Variants in CCSER1 observed in about 807,000 individuals in gnomAD.
CCSER1 encodes the protein serine-rich coiled-coil domain-containing protein 1.
Under a neutral mutation model 82.0 loss-of-function variants are expected in CCSER1, and 41 were observed. The ratio of observed to expected loss-of-function variants is 0.50; its 90% CI spans 0.39 to 0.65. CCSER1 has a LOEUF of 0.65. Ranked by LOEUF, CCSER1 falls within the 30% of genes least tolerant of loss-of-function variation. The pLI is 0.00. For missense variants in CCSER1, 1,119 were observed against 1,064.2 expected (o/e 1.05, Z -0.72); for synonymous variants, 414 against 383.9 (o/e 1.08, Z -0.92).
chr4:91,111,326 C>G (rs1219879626), intron 10 of CCSER1, among the ~76,000 whole-genome samples: 2 of 151,894 alleles, frequency 1.3e-5, no homozygotes, highest in Non-Finnish European at 2.9e-5. Flanking sequence ...AGAAGATTAA[C>G]TGATTGCCTG....
intron 4 of CCSER1, among the ~76,000 whole-genome samples, chr4:90,429,839 G>T (rs1758030626): frequency 6.6e-6 from 1 of 151,720 alleles, no homozygotes. Flanking sequence ...TTGTATATTC[G>T]TTTTCCATTT....
intron 10 of CCSER1, among the ~76,000 whole-genome samples, chr4:91,513,021 G>C (rs1355940192): frequency 1.3e-5 from 2 of 152,056 alleles, no homozygotes; most frequent in Non-Finnish European, 2.9e-5. Flanking sequence ...AGTGGTGAGA[G>C]TGGGCATCCT....
At chr4:90,736,922 T>TA (rs1491338362) in intron 7 of CCSER1, among the ~76,000 whole-genome samples, 2 of 152,054 alleles carry the variant, frequency 1.3e-5, no homozygotes, top group Non-Finnish European at 2.9e-5. Context: ...CCCATTTTTT[T>TA]AAAAAATAGG....
At chr4:91,166,064 A>G (rs1222707774) in intron 10 of CCSER1, among the ~76,000 whole-genome samples, 1 of 152,218 alleles carries the variant, frequency 6.6e-6, no homozygotes, top group Admixed American at 6.5e-5. Context: ...CCATCTTGAA[A>G]TGGAATGCAA....
intron 5 of CCSER1, among the ~76,000 whole-genome samples, chr4:90,539,466 G>A (rs1775832500): frequency 6.6e-6 from 1 of 152,010 alleles, no homozygotes; most frequent in South Asian, 2.1e-4. Flanking sequence ...CCTGTTGTAA[G>A]CTCTCATAAG....
chr4:91,080,266 C>G lies in CCSER1; in HGVS notation c.2173-5684C>G, dbSNP rs558814816. On this transcript the variant is annotated intron_variant, in intron 9 of 10. Coordinates refer to ENST00000509176, the MANE Select transcript of CCSER1 (RefSeq NM_001145065.2). ...CTAGAACTCAGGATTAAGAAACTCA[C>G]TCAAAACCACTCAACTACATGGAAA... Among the ~76,000 whole-genome samples, 51 of 152,294 alleles carry G rather than the reference C, an allele frequency of 3.3e-4. 2 individuals carry two copies. In the South Asian group the frequency reaches 0.01, roughly 30 times the overall value.
chr4:90,905,484 G>A (rs1475291206), intron 8 of CCSER1, among the ~76,000 whole-genome samples: 3 of 151,722 alleles, frequency 2.0e-5, no homozygotes, highest in Non-Finnish European at 4.4e-5. Flanking sequence ...TTACTGCCTG[G>A]CTGTGTCCTT....
At chr4:91,063,463 A>T (rs1020891427) in intron 9 of CCSER1, among the ~76,000 whole-genome samples, 1 of 152,176 alleles carries the variant, frequency 6.6e-6, no homozygotes, top group Admixed American at 6.6e-5. Context: ...AGATTCTTGC[A>T]TGGTAATAAT....
At chr4:91,025,581 A>G (rs992812897) in intron 9 of CCSER1, among the ~76,000 whole-genome samples, 2 of 152,092 alleles carry the variant, frequency 1.3e-5, no homozygotes, top group African/African-American at 4.8e-5. Context: ...TGTGGATACT[A>G]CCTGAAGTCA....
intron 10 of CCSER1, among the ~76,000 whole-genome samples, chr4:91,543,797 A>G (rs1431747695): frequency 6.6e-6 from 1 of 152,056 alleles, no homozygotes; most frequent in African/African-American, 2.4e-5. Context: ...GCTCTTCTCG[A>G]GGAGTATCTT....
chr4:90,700,620 T>C (rs1452722699), intron 6 of CCSER1, among the ~76,000 whole-genome samples: 2 of 152,326 alleles, frequency 1.3e-5, no homozygotes, highest in South Asian at 2.1e-4. Flanking sequence ...GTAAAAGTGT[T>C]CCTATTTCTC....
intron 6 of CCSER1, among the ~76,000 whole-genome samples, chr4:90,704,531 G>A (rs997179497): frequency 2.0e-5 from 3 of 152,170 alleles, no homozygotes; most frequent in Non-Finnish European, 2.9e-5. Flanking sequence ...GCCTTGCTAG[G>A]TTGGGGAAGT....
intron 7 of CCSER1, among the ~76,000 whole-genome samples, chr4:90,736,992 T>C (rs561818365): frequency 3.3e-5 from 5 of 152,094 alleles, no homozygotes; most frequent in African/African-American, 7.2e-5. Flanking sequence ...GAGAAAACTA[T>C]TAAAAACCCT....
intron 9 of CCSER1, among the ~76,000 whole-genome samples, chr4:90,971,873 A>G (rs1735143507): frequency 6.6e-6 from 1 of 151,976 alleles, no homozygotes; most frequent in African/African-American, 2.4e-5. Flanking sequence ...CATACAACAC[A>G]TGAACAGAAT....
At chr4:90,157,250 G>T (rs1188242859) in intron 1 of CCSER1, among the ~76,000 whole-genome samples, 3 of 152,214 alleles carry the variant, frequency 2.0e-5, no homozygotes, top group East Asian at 1.9e-4. Context: ...TCCGCTGTCA[G>T]TCTGATGGGC....
chr4:91,297,589 G>T (rs1351179503), intron 10 of CCSER1, among the ~76,000 whole-genome samples: 8 of 151,932 alleles, frequency 5.3e-5, no homozygotes, highest in Non-Finnish European at 4.4e-5. Flanking sequence ...CATGGGCATG[G>T]AAGACTGAAT....
rs996285176 is a variant in CCSER1 at position 91,032,945 on chromosome 4, C to A, written c.2173-53005C>A. 4.9e-4 allele frequency among the ~76,000 whole-genome samples: 75 copies of A among 152,120 alleles called. 1 individual carries two copies. Among genetic ancestry groups the A allele is most frequent in the Non-Finnish European group, 1.6e-4 (11 of 68,008 alleles). ...AGCAAGACTTCTTTGGTAGTTCCTT[C>A]CACCTCCCCGGGAATGGTGTCAAAT... is the stretch of plus-strand genomic sequence containing the variant. On this transcript the variant is annotated intron_variant, in intron 9 of 10. Transcript: ENST00000509176.
intron 6 of CCSER1, among the ~76,000 whole-genome samples, chr4:90,665,896 A>G (rs1731688998): frequency 6.6e-6 from 1 of 152,116 alleles, no homozygotes; most frequent in East Asian, 1.9e-4. Flanking sequence ...GGACCTTCTG[A>G]CAGTGGGAGG....
At chr4:90,467,461 C>T (rs573687038) in intron 4 of CCSER1, among the ~76,000 whole-genome samples, 10 of 151,782 alleles carry the variant, frequency 6.6e-5, no homozygotes, top group South Asian at 2.1e-4. Flanking sequence ...TGAGGCGGGC[C>T]GATCTCGAGG....
Sources: gnomAD v4.1 joint callset for allele counts (sites outside exome capture counted in the v4.1 genomes callset) on GRCh38, gnomAD v4.1.1 for gene constraint, MANE v1.5 for transcripts, NCBI Gene and HGNC (gene_info 2026-07-23, HGNC 2026-07-21) for gene names.